ROR1: variants seen among roughly 807,000 people sequenced by gnomAD.
ROR1 encodes ROR family WNT receptor 1, also known as inactive tyrosine-protein kinase transmembrane receptor ROR1.
In ROR1, 19 loss-of-function variants were observed where a neutral mutation model predicts 78.8. The ratio of observed to expected loss-of-function variants is 0.24; its 90% CI spans 0.17 to 0.35. The LOEUF (loss-of-function observed/expected upper bound fraction) is 0.35. Among genes scored for constraint, ROR1 ranks in the 10% least tolerant of loss-of-function variants. The pLI is 1.00. For missense variants in ROR1, 917 were observed against 1,177.8 expected, an observed-to-expected ratio of 0.78 and a Z score of 3.24; for synonymous variants, 386 against 433.6, an observed-to-expected ratio of 0.89 and a Z score of 1.36.
intron 7 of ROR1, among the ~76,000 whole-genome samples, chr1:64,148,524 C>T (rs1649537256): frequency 6.6e-6 from 1 of 152,190 alleles, no homozygotes; most frequent in African/African-American, 2.4e-5. Context: ...CATGGGGTTT[C>T]TCATTTTCCT....
At chr1:64,090,136 C>T (rs1647184409) in intron 4 of ROR1, among the ~76,000 whole-genome samples, 1 of 152,068 alleles carries the variant, frequency 6.6e-6, no homozygotes, top group African/African-American at 2.4e-5. Context: ...TCTTTATTAG[C>T]AGCATGAGAA....
At chr1:63,998,927 G>T (rs1384759314) in intron 1 of ROR1, among the ~76,000 whole-genome samples, 6 of 152,174 alleles carry the variant, frequency 3.9e-5, no homozygotes, top group African/African-American at 1.4e-4. Context: ...CACAAGAGCT[G>T]ATGGTTTTAT....
At chr1:64,049,578 C>T in intron 2 of ROR1, 113 bp from the exon 3 acceptor site, 1 of 897,478 alleles carries the variant, frequency 1.1e-6, no homozygotes, top group East Asian at 2.4e-5. Flanking sequence ...TCTCACCTGC[C>T]TCTCCTGCTC....
intron 8 of ROR1, among the ~76,000 whole-genome samples, chr1:64,163,156 G>C (rs553532240): frequency 6.6e-6 from 1 of 151,624 alleles, no homozygotes; most frequent in African/African-American, 2.4e-5. Context: ...AACCAAGCTG[G>C]ACAGATCGCT....
intron 1 of ROR1, among the ~76,000 whole-genome samples, chr1:63,945,361 TTTA>T (rs145919341): frequency 0.023 from 3,530 of 152,322 alleles, 147 homozygotes; most frequent in African/African-American, 0.08. Flanking sequence ...TCTAATATTT[TTTA>T]TTATTTTCCA....
intron 8 of ROR1, among the ~76,000 whole-genome samples, chr1:64,169,312 A>G (rs1189538802): frequency 2.6e-5 from 4 of 152,218 alleles, no homozygotes; most frequent in African/African-American, 9.6e-5. Context: ...ACAGTTCCAC[A>G]TGGCTGGGGA....
At chr1:64,158,327 C>A (rs1425240463) in intron 7 of ROR1, among the ~76,000 whole-genome samples, 1 of 152,174 alleles carries the variant, frequency 6.6e-6, no homozygotes, top group Non-Finnish European at 1.5e-5. Flanking sequence ...CCATCCAAAA[C>A]AGACACTTCA....
chr1:63,894,606 T>C (rs1171897394), intron 1 of ROR1, among the ~76,000 whole-genome samples: 1 of 152,114 alleles, frequency 6.6e-6, no homozygotes, highest in Non-Finnish European at 1.5e-5. Flanking sequence ...AGGGGAGGTT[T>C]TTGGGACAGG....
intron 1 of ROR1, among the ~76,000 whole-genome samples, chr1:63,900,646 A>G (rs990371119): frequency 3.3e-5 from 5 of 152,194 alleles, no homozygotes; most frequent in African/African-American, 1.2e-4. Flanking sequence ...ACATTAAAAT[A>G]TATTAAAAAC....
At chr1:64,039,697 A>G (rs1276961673) in intron 2 of ROR1, among the ~76,000 whole-genome samples, 1 of 152,200 alleles carries the variant, frequency 6.6e-6, no homozygotes, top group African/African-American at 2.4e-5. Context: ...TGTGCATGGT[A>G]CTGAAATCAC....
At chr1:63,819,034 G>A (rs1644909132) in intron 1 of ROR1, among the ~76,000 whole-genome samples, 1 of 152,146 alleles carries the variant, frequency 6.6e-6, no homozygotes, top group Admixed American at 6.6e-5. Context: ...AAGGCTACCA[G>A]AACCTTGTAA....
chr1:63,880,805 C>T (rs1037197570), intron 1 of ROR1, among the ~76,000 whole-genome samples: 7 of 152,104 alleles, frequency 4.6e-5, no homozygotes, highest in Admixed American at 3.9e-4. Context: ...CATCCATCCA[C>T]GCAGTAAATA....
At chr1:63,806,534 G>A (rs1029335002) in intron 1 of ROR1, among the ~76,000 whole-genome samples, 6 of 152,142 alleles carry the variant, frequency 3.9e-5, no homozygotes, top group Non-Finnish European at 4.4e-5. Flanking sequence ...AGCCAGGATG[G>A]TCTCGATCTC....
At chr1:63,915,203 A>G (rs1569902942) in intron 1 of ROR1, among the ~76,000 whole-genome samples, 1 of 152,094 alleles carries the variant, frequency 6.6e-6, no homozygotes, top group Admixed American at 6.6e-5. Flanking sequence ...CCCAGTTCTG[A>G]CTCCACCATC....
At chr1:63,945,180 G>A (rs1018638255) in intron 1 of ROR1, among the ~76,000 whole-genome samples, 7 of 152,048 alleles carry the variant, frequency 4.6e-5, no homozygotes, top group African/African-American at 1.7e-4. Flanking sequence ...GTTTTCAAAC[G>A]GTGTCACTTG....
chr1:64,151,882 C>CA (rs36006598), intron 7 of ROR1, among the ~76,000 whole-genome samples: 91,675 of 141,092 alleles, frequency 0.65, 30,119 homozygotes, highest in Middle Eastern at 0.72. Context: ...CACTCCGTCT[C>CA]AAAAAAAAAA....
intron 1 of ROR1, among the ~76,000 whole-genome samples, chr1:63,799,382 C>T (rs556832638): frequency 7.9e-5 from 12 of 152,326 alleles, no homozygotes; most frequent in Admixed American, 6.5e-4. Flanking sequence ...AAAAACTTCT[C>T]CAATGCTAGC....
chr1:63,814,983 G>A (rs1211827660), intron 1 of ROR1, among the ~76,000 whole-genome samples: 1 of 152,150 alleles, frequency 6.6e-6, no homozygotes, highest in Non-Finnish European at 1.5e-5. Context: ...AATCTGCTTT[G>A]CCCAGTTCTG....
intron 1 of ROR1, among the ~76,000 whole-genome samples, chr1:63,984,521 G>A (rs1014018506): frequency 1.1e-4 from 16 of 152,302 alleles, no homozygotes; most frequent in Admixed American, 9.8e-4. Flanking sequence ...TTGCACATTA[G>A]ATACTAGTCC....
Sources: gnomAD v4.1 joint callset for allele counts (sites outside exome capture counted in the v4.1 genomes callset) on GRCh38, gnomAD v4.1.1 for gene constraint, MANE v1.5 for transcripts, NCBI Gene and HGNC (gene_info 2026-07-23, HGNC 2026-07-21) for gene names.